Variants in GALNT2 observed in about 807,000 individuals in gnomAD.
The protein encoded by GALNT2 is polypeptide N-acetylgalactosaminyltransferase 2, also known as UDP-GalNAc:polypeptide N-acetylgalactosaminyltransferase 2.
In GALNT2, 31 loss-of-function variants were observed where a neutral mutation model predicts 81.4. That is an observed-to-expected ratio of 0.38 (90% CI 0.29 to 0.51). GALNT2 has a LOEUF of 0.51. Among genes scored for constraint, GALNT2 ranks in the 20% least tolerant of loss-of-function variants. The pLI is 0.87. For synonymous variants in GALNT2, 303 were observed against 287.4 expected, an observed-to-expected ratio of 1.05 and a Z score of -0.55; for missense variants, 629 against 765.7, an observed-to-expected ratio of 0.82 and a Z score of 2.11.
In GALNT2 at chr1:230,254,358, G is replaced by T. The variant is rs149532995; in HGVS notation, c.1010-860G>T. 4.6e-3 allele frequency among the ~76,000 whole-genome samples: 707 copies of T among 152,274 alleles called. 4 individuals are homozygous for T. Among genetic ancestry groups the T allele is most frequent in the Non-Finnish European group, 6.3e-3 (428 of 68,024 alleles). On this transcript the variant is annotated intron_variant, in intron 10 of 15. Coordinates refer to ENST00000366672, the MANE Select transcript of GALNT2 (RefSeq NM_004481.5). ...TAGACCTACACATCTCATTCCTCCT[G>T]CCGGTCAGTTCTGTGTTGAAGCAAG...
At position 230,143,471 on chromosome 1, in the gene GALNT2, G is replaced by C. The variant is rs1255184678; in HGVS notation, c.127-34747G>C. ...ACAGCACCGCTGCCCATCCTTCATG[G>C]GGTCCTGAAGTCCCATGCAGAACTG... On this transcript the variant is annotated intron_variant, in intron 1 of 15. Transcript: ENST00000366672. Among the ~76,000 whole-genome samples, 5 of 152,160 alleles carry C rather than the reference G, an allele frequency of 3.3e-5. No individual in the cohort carries two copies. In the East Asian group the frequency reaches 9.6e-4, roughly 29 times the overall value.
chr1:230,066,905 C>T (rs1396033618), upstream of GALNT2, among the ~76,000 whole-genome samples: 1 of 151,004 alleles, frequency 6.6e-6, no homozygotes, highest in Non-Finnish European at 1.5e-5. Flanking sequence ...GGGCGGGCGG[C>T]CGGGGGCGGG....
intron 1 of GALNT2, among the ~76,000 whole-genome samples, chr1:230,141,964 GT>G (rs1273012779): frequency 1.3e-5 from 2 of 151,648 alleles, no homozygotes; most frequent in African/African-American, 4.8e-5. Flanking sequence ...TTTTTTGTTT[GT>G]TTTTTTGTTA....
At chr1:230,172,246 G>A (rs934426438) in intron 1 of GALNT2, among the ~76,000 whole-genome samples, 2 of 152,148 alleles carry the variant, frequency 1.3e-5, no homozygotes, top group African/African-American at 4.8e-5. Context: ...CACTGGGGAA[G>A]CCAGCCGCCT....
intron 15 of GALNT2, among the ~76,000 whole-genome samples, chr1:230,278,446 C>G (rs2102786034): frequency 6.6e-6 from 1 of 152,220 alleles, no homozygotes; most frequent in African/African-American, 2.4e-5. Context: ...ATTTATGTTA[C>G]TTGCTAAACA....
At chr1:230,069,644 C>A (rs935399793) in intron 1 of GALNT2, among the ~76,000 whole-genome samples, 26 of 151,950 alleles carry the variant, frequency 1.7e-4, no homozygotes, top group Non-Finnish European at 3.2e-4. Context: ...CTTTCTTCCC[C>A]AATTGTTTCC....
intron 1 of GALNT2, among the ~76,000 whole-genome samples, chr1:230,085,891 C>T (rs1049431001): frequency 3.3e-5 from 5 of 152,078 alleles, no homozygotes; most frequent in African/African-American, 9.7e-5. Context: ...ACAGATGGGA[C>T]GGAGATGGAT....
At chr1:230,098,297 G>T (rs1207957320) in intron 1 of GALNT2, among the ~76,000 whole-genome samples, 1 of 152,040 alleles carries the variant, frequency 6.6e-6, no homozygotes, top group Non-Finnish European at 1.5e-5. Context: ...GGTCAACTCT[G>T]TTTGTATGTA....
rs779788545 is a variant in GALNT2, at chr1:230,076,615, G to A, written c.126+9209G>A. 5.3e-5 allele frequency among the ~76,000 whole-genome samples: 8 copies of A among 152,164 alleles called. 1 individual carries two copies. The South Asian group carries it at 1.4e-3, about 28-fold the overall frequency. On this transcript the variant is annotated intron_variant, in intron 1 of 15. Transcript: ENST00000366672. ...CAGTAAAATGGAGATGTGACTTCAT[G>A]GCCAATCTCAGGGAGGCGGAACTGT...
At chr1:230,167,677 G>A (rs1031273258) in intron 1 of GALNT2, among the ~76,000 whole-genome samples, 2 of 152,200 alleles carry the variant, frequency 1.3e-5, no homozygotes. Context: ...GGGAACTGCC[G>A]AGCGTGGAGG....
intron 1 of GALNT2, among the ~76,000 whole-genome samples, chr1:230,087,617 T>G (rs1659938068): frequency 6.6e-6 from 1 of 152,174 alleles, no homozygotes; most frequent in Non-Finnish European, 1.5e-5. Flanking sequence ...CAAGTGTGTT[T>G]TAGAAAAAGC....
chr1:230,075,336 G>C (rs1439277619), intron 1 of GALNT2, among the ~76,000 whole-genome samples: 1 of 152,016 alleles, frequency 6.6e-6, no homozygotes, highest in Non-Finnish European at 1.5e-5. Flanking sequence ...ACCCAGGCTG[G>C]TCTCAAACTC....
intron 3 of GALNT2, among the ~76,000 whole-genome samples, chr1:230,221,852 A>C (rs749569507): frequency 2.6e-5 from 4 of 151,976 alleles, no homozygotes; most frequent in Non-Finnish European, 5.9e-5. Flanking sequence ...TGGATTTTCA[A>C]ATTTATTGGC....
chr1:230,110,999 G>A (rs1660687120), intron 1 of GALNT2, among the ~76,000 whole-genome samples: 1 of 152,194 alleles, frequency 6.6e-6, no homozygotes, highest in Non-Finnish European at 1.5e-5. Flanking sequence ...TTGCAGGAAT[G>A]TGTGTGCGTG....
In GALNT2 at chr1:230,127,534, C is replaced by T. The variant is rs186106996; in HGVS notation, c.127-50684C>T. ...GGGACTACAGGCATGCGGCACCATG[C>T]GCAGCTAATTTTTGTATTTTTCGTA... On this transcript the variant is annotated intron_variant, in intron 1 of 15. Coordinates refer to ENST00000366672, the MANE Select transcript of GALNT2 (RefSeq NM_004481.5). 5.0e-3 allele frequency among the ~76,000 whole-genome samples: 760 copies of T among 152,172 alleles called. 6 individuals are homozygous for T. Among genetic ancestry groups the T allele is most frequent in the Non-Finnish European group, 8.4e-3 (573 of 68,016 alleles).
intron 1 of GALNT2, 77 bp from the exon 2 acceptor site, chr1:230,178,141 C>T (rs1162159757): frequency 6.0e-6 from 7 of 1,159,254 alleles, no homozygotes; most frequent in African/African-American, 1.5e-5. Flanking sequence ...TCTCCTAAGA[C>T]TCGGTATGTA....
At chr1:230,195,241 C>T (rs1369556739) in intron 2 of GALNT2, among the ~76,000 whole-genome samples, 1 of 152,196 alleles carries the variant, frequency 6.6e-6, no homozygotes, top group Non-Finnish European at 1.5e-5. Flanking sequence ...CAGGAACAAA[C>T]ACCATTGTCT....
At chr1:230,180,497 C>T (rs904775106) in intron 2 of GALNT2, among the ~76,000 whole-genome samples, 2 of 152,078 alleles carry the variant, frequency 1.3e-5, no homozygotes, top group South Asian at 4.1e-4. Context: ...CACTACCACA[C>T]TGCCTTGATT....
intron 1 of GALNT2, among the ~76,000 whole-genome samples, chr1:230,131,453 A>G (rs1661364142): frequency 6.6e-6 from 1 of 152,218 alleles, no homozygotes; most frequent in African/African-American, 2.4e-5. Flanking sequence ...TTTCTAGGTC[A>G]ATCCCATGCA....
Sources: allele counts gnomAD v4.1 joint callset (sites outside exome capture counted in the v4.1 genomes callset), GRCh38; gene constraint gnomAD v4.1.1; transcripts MANE v1.5; gene names NCBI Gene and HGNC (gene_info 2026-07-23, HGNC 2026-07-21).